LRRTM4: variants seen among roughly 807,000 people sequenced by gnomAD.
LRRTM4 encodes leucine rich repeat transmembrane neuronal 4, also known as leucine-rich repeat transmembrane neuronal protein 4.
Under a neutral mutation model 47.6 loss-of-function variants are expected in LRRTM4, and 25 were observed. The ratio of observed to expected loss-of-function variants is 0.53; its 90% CI spans 0.38 to 0.73. The LOEUF (loss-of-function observed/expected upper bound fraction) is 0.73, where lower values mean the gene tolerates loss of function less well. Among genes scored for constraint, LRRTM4 ranks in the 30% least tolerant of loss-of-function variants. The probability of loss-of-function intolerance (pLI) is 0.00; values close to 1 mark genes in which losing one functional copy is unlikely to be tolerated. For missense variants in LRRTM4, 638 were observed against 713.4 expected (o/e 0.89, Z 1.20); for synonymous variants, 311 against 269.5 (o/e 1.15, Z -1.51).
Position 77,471,489 on chromosome 2 carries a change from C to T in LRRTM4, c.1551+46829G>A, listed in dbSNP as rs112301103. On this transcript the variant is annotated intron_variant, in intron 3 of 3. Coordinates refer to ENST00000409884, the MANE Select transcript of LRRTM4 (RefSeq NM_001134745.3). ...TGATTATGTCACTCATCTTCTCACA[C>T]CCTTCCCCACTTGACTGGTTGGCCA... Among the ~76,000 whole-genome samples the T allele has an allele frequency of 5.3e-5, 8 of 152,252 alleles. 1 individual carries two copies. The highest frequency in any genetic ancestry group is 2.6e-4 in the Admixed American group (4 of 15,276).
chr2:77,328,665 G>T (rs947003205), intron 3 of LRRTM4, among the ~76,000 whole-genome samples: 36 of 152,280 alleles, frequency 2.4e-4, no homozygotes, highest in African/African-American at 8.4e-4. Context: ...AGCCCTGGGG[G>T]AGAGTGCAGT....
chr2:77,327,303 T>G (rs1300210978), intron 3 of LRRTM4, among the ~76,000 whole-genome samples: 1 of 152,156 alleles, frequency 6.6e-6, no homozygotes, highest in African/African-American at 2.4e-5. Flanking sequence ...AACCCAAGAA[T>G]GTGATGCAAA....
At chr2:76,896,853 A>T (rs1274547433) in intron 3 of LRRTM4, among the ~76,000 whole-genome samples, 1 of 148,604 alleles carries the variant, frequency 6.7e-6, no homozygotes, top group Admixed American at 6.9e-5. Context: ...TACTAGATAC[A>T]TCTAAAAGAT....
At chr2:76,861,853 C>G (rs1039469562) in intron 3 of LRRTM4, among the ~76,000 whole-genome samples, 15 of 152,128 alleles carry the variant, frequency 9.9e-5, no homozygotes, top group Non-Finnish European at 2.1e-4. Flanking sequence ...TAGAATGACA[C>G]TTATCTGAAG....
intron 3 of LRRTM4, among the ~76,000 whole-genome samples, chr2:77,058,539 A>G (rs73940269): frequency 0.028 from 4,157 of 150,516 alleles, 135 homozygotes; most frequent in African/African-American, 0.088. Context: ...TCTTTTTCCT[A>G]TTTTCATCTC....
intron 3 of LRRTM4, among the ~76,000 whole-genome samples, chr2:77,193,179 T>C (rs1403391769): frequency 6.6e-6 from 1 of 152,180 alleles, no homozygotes; most frequent in Non-Finnish European, 1.5e-5. Context: ...TAACAGGCTG[T>C]ACAGGTTTGC....
At chr2:77,027,960 A>T (rs1678511820) in intron 3 of LRRTM4, among the ~76,000 whole-genome samples, 1 of 147,504 alleles carries the variant, frequency 6.8e-6, no homozygotes, top group Middle Eastern at 3.5e-3. Context: ...TTTCTCTCTT[A>T]TCTAGTATTT....
At chr2:77,521,517 T>C (rs1679498128) in intron 2 of LRRTM4, 151 bp downstream of exon 2, 1 of 804,994 alleles carries the variant, frequency 1.2e-6, no homozygotes, top group Non-Finnish European at 2.0e-6. Flanking sequence ...GATCTAAAAA[T>C]ATAATAGCAA....
rs140097521 is a variant in LRRTM4 at position 77,255,896 on chromosome 2, A to C, written c.1551+262422T>G. 6.4e-4 allele frequency among the ~76,000 whole-genome samples: 98 copies of C among 152,212 alleles called. No individual in the cohort carries two copies. In the East Asian group the frequency reaches 0.015, roughly 24 times the overall value. On this transcript the variant is annotated intron_variant, in intron 3 of 3. Transcript: ENST00000409884. Reference sequence around the variant, plus strand: ...AAAGCAAAATAAACCCAAAGTATTAAGAAGGAAGAAAATAATGAGACAACA... The same window carrying C: ...AAAGCAAAATAAACCCAAAGTATTACGAAGGAAGAAAATAATGAGACAACA...
intron 3 of LRRTM4, among the ~76,000 whole-genome samples, chr2:76,772,073 G>A (rs1248348817): frequency 2.0e-5 from 3 of 152,164 alleles, no homozygotes; most frequent in Admixed American, 6.5e-5. Flanking sequence ...TGTTGAGATC[G>A]TAACACCCAA....
At chr2:77,413,752 A>T (rs994275294) in intron 3 of LRRTM4, among the ~76,000 whole-genome samples, 1 of 152,004 alleles carries the variant, frequency 6.6e-6, no homozygotes, top group Non-Finnish European at 1.5e-5. Context: ...GCACACTATC[A>T]CCTAATGGAA....
chr2:77,208,817 G>A (rs1022869117), intron 3 of LRRTM4, among the ~76,000 whole-genome samples: 6 of 152,026 alleles, frequency 3.9e-5, no homozygotes, highest in African/African-American at 7.2e-5. Context: ...GAGCTGGAAC[G>A]GTACTTATAT....
At chr2:76,883,358 TTAA>T (rs1483305831) in intron 3 of LRRTM4, among the ~76,000 whole-genome samples, 1 of 152,124 alleles carries the variant, frequency 6.6e-6, no homozygotes. Context: ...AAATGCCCAA[TTAA>T]TGTTTATTGA....
chr2:77,486,150 T>G lies in LRRTM4; in HGVS notation c.1551+32168A>C, dbSNP rs933925422. Among the ~76,000 whole-genome samples the G allele has an allele frequency of 4.0e-4, 61 of 152,326 alleles. 1 individual carries two copies. Among genetic ancestry groups the G allele is most frequent in the Admixed American group, 3.1e-3 (48 of 15,296 alleles). On this transcript the variant is annotated intron_variant, in intron 3 of 3. Coordinates refer to ENST00000409884, the MANE Select transcript of LRRTM4 (RefSeq NM_001134745.3). ...CAATAAGCCATAAAGACTATTTTAA[T>G]TAGTTACTGCTTCACATTGATTGGA... is the stretch of plus-strand genomic sequence containing the variant.
At chr2:76,872,055 C>T (rs1184326086) in intron 3 of LRRTM4, among the ~76,000 whole-genome samples, 3 of 152,170 alleles carry the variant, frequency 2.0e-5, no homozygotes, top group South Asian at 4.1e-4. Context: ...TAACCCACAG[C>T]AACGGTAGGG....
intron 3 of LRRTM4, among the ~76,000 whole-genome samples, chr2:76,996,752 C>A (rs1172544212): frequency 2.0e-5 from 3 of 151,422 alleles, no homozygotes. Context: ...AGTTTCCTCA[C>A]AATCTGCTGA....
chr2:77,396,053 T>C lies in LRRTM4; in HGVS notation c.1551+122265A>G, dbSNP rs140018998. On this transcript the variant is annotated intron_variant, in intron 3 of 3. Transcript: ENST00000409884. ...TTGCACAGAAACATTTCTTTGAACA[T>C]TTAAAGCAGGATCTTGTTCTGAATC... 5.1e-3 allele frequency among the ~76,000 whole-genome samples: 777 copies of C among 152,066 alleles called. 12 individuals carry two copies. The highest frequency in any genetic ancestry group is 0.017 in the African/African-American group (718 of 41,550).
intron 3 of LRRTM4, among the ~76,000 whole-genome samples, chr2:77,019,620 T>C (rs544998664): frequency 6.6e-6 from 1 of 152,140 alleles, no homozygotes; most frequent in Non-Finnish European, 1.5e-5. Flanking sequence ...TTATTAACAC[T>C]GCTAACCAAG....
At chr2:76,754,157 A>G (rs1216845718) in intron 3 of LRRTM4, among the ~76,000 whole-genome samples, 3 of 152,210 alleles carry the variant, frequency 2.0e-5, no homozygotes, top group Non-Finnish European at 4.4e-5. Flanking sequence ...AATGCAGTTG[A>G]ATTGCTTAAT....
Sources: gnomAD v4.1 joint callset for allele counts (sites outside exome capture counted in the v4.1 genomes callset) on GRCh38, gnomAD v4.1.1 for gene constraint, MANE v1.5 for transcripts, NCBI Gene and HGNC (gene_info 2026-07-23, HGNC 2026-07-21) for gene names.